Variants in GALNTL6 observed in about 807,000 individuals in gnomAD.
GALNTL6 encodes polypeptide N-acetylgalactosaminyltransferase like 6, also known as polypeptide N-acetylgalactosaminyltransferase-like 6.
Under a neutral mutation model 73.7 loss-of-function variants are expected in GALNTL6, and 46 were observed. The ratio of observed to expected loss-of-function variants is 0.62; its 90% confidence interval spans 0.49 to 0.80. The LOEUF (loss-of-function observed/expected upper bound fraction) is 0.80. GALNTL6 is among the 30% of genes least tolerant of loss of function. GALNTL6 has a pLI of 0.00. For synonymous variants in GALNTL6, 259 were observed against 263.7 expected, an observed-to-expected ratio of 0.98 and a Z score of 0.17; for missense variants, 604 against 755.0, an observed-to-expected ratio of 0.80 and a Z score of 2.34.
chr4:172,409,716 T>C (rs188054092), intron 5 of GALNTL6, among the ~76,000 whole-genome samples: 38 of 152,146 alleles, frequency 2.5e-4, no homozygotes, highest in African/African-American at 8.9e-4. Flanking sequence ...TGTTGGTATT[T>C]AATAGCTAAA....
chr4:171,859,366 C>G (rs1179334645), intron 2 of GALNTL6, among the ~76,000 whole-genome samples: 1 of 151,844 alleles, frequency 6.6e-6, no homozygotes, highest in South Asian at 2.1e-4. Context: ...TTTTAGGCTC[C>G]CAGAATTCCT....
At chr4:172,869,770 A>T (rs1464471646) in intron 7 of GALNTL6, among the ~76,000 whole-genome samples, 1 of 151,978 alleles carries the variant, frequency 6.6e-6, no homozygotes, top group Non-Finnish European at 1.5e-5. Flanking sequence ...TCCCTCCTCC[A>T]CCTCATTCTC....
chr4:172,602,082 A>C (rs1738072531), intron 5 of GALNTL6, among the ~76,000 whole-genome samples: 1 of 152,130 alleles, frequency 6.6e-6, no homozygotes, highest in Non-Finnish European at 1.5e-5. Context: ...AAAAGAGAAA[A>C]TATTCATAAC....
chr4:171,895,322 AG>A (rs1736876513), intron 2 of GALNTL6, among the ~76,000 whole-genome samples: 2 of 152,164 alleles, frequency 1.3e-5, no homozygotes, highest in African/African-American at 4.8e-5. Flanking sequence ...GCGTGAAAAA[AG>A]CTCCAATTCT....
chr4:172,478,636 C>T (rs1733327172), intron 5 of GALNTL6, among the ~76,000 whole-genome samples: 1 of 151,908 alleles, frequency 6.6e-6, no homozygotes, highest in Non-Finnish European at 1.5e-5. Context: ...AAAGAAAATG[C>T]AACAAAAACA....
At chr4:172,151,359 T>A (rs1291498435) in intron 2 of GALNTL6, among the ~76,000 whole-genome samples, 3 of 152,196 alleles carry the variant, frequency 2.0e-5, no homozygotes. Context: ...ATGGCAGGAA[T>A]AGAGGAATAC....
intron 8 of GALNTL6, among the ~76,000 whole-genome samples, chr4:172,893,069 T>C (rs1189192917): frequency 1.3e-5 from 2 of 152,146 alleles, no homozygotes; most frequent in East Asian, 1.9e-4. Context: ...CAGATGGCTG[T>C]GGGGCCAAGC....
chr4:172,328,980 TGG>T (rs930440663), intron 4 of GALNTL6, among the ~76,000 whole-genome samples: 1 of 152,206 alleles, frequency 6.6e-6, no homozygotes, highest in African/African-American at 2.4e-5. Flanking sequence ...TTCTCATCTC[TGG>T]GTGGGTGTTC....
chr4:172,023,942 T>C (rs1380172290), intron 2 of GALNTL6, among the ~76,000 whole-genome samples: 1 of 151,846 alleles, frequency 6.6e-6, no homozygotes, highest in Non-Finnish European at 1.5e-5. Context: ...TCCAAAGCAT[T>C]TTTTGTTCTA....
At position 172,346,138 on chromosome 4, in the gene GALNTL6, G is replaced by A. The variant is rs75360860; in HGVS notation, c.387-2385G>A. Among the ~76,000 whole-genome samples, 209 of 152,292 alleles carry A rather than the reference G, an allele frequency of 1.4e-3. 3 individuals are homozygous for A. In the East Asian group the frequency reaches 0.034, roughly 25 times the overall value. On this transcript the variant is annotated intron_variant, in intron 4 of 12. Transcript: ENST00000506823. Reference sequence around the variant, plus strand: ...ATTGATGTGCCAGCATCATCTGCTAGAGCTTATCTCTCATGAGCCTGTTCC... The same window carrying A: ...ATTGATGTGCCAGCATCATCTGCTAAAGCTTATCTCTCATGAGCCTGTTCC...
At chr4:172,138,489 ATATATATATATATATATATATATATTTTT>A (rs1733700584) in intron 2 of GALNTL6, among the ~76,000 whole-genome samples, 3 of 3,778 alleles carry the variant, frequency 7.9e-4, no homozygotes, top group Non-Finnish European at 2.5e-3. Flanking sequence ...ATATATATAT[ATATATATATATATATATATATATATTTTT>A]TTTTTTTTTT....
chr4:171,866,830 G>T (rs1560819511), intron 2 of GALNTL6, among the ~76,000 whole-genome samples: 1 of 152,060 alleles, frequency 6.6e-6, no homozygotes. Context: ...ATTTAGGAGG[G>T]CCATTCTTAT....
At chr4:172,116,320 C>T (rs921012923) in intron 2 of GALNTL6, among the ~76,000 whole-genome samples, 1 of 152,116 alleles carries the variant, frequency 6.6e-6, no homozygotes, top group Non-Finnish European at 1.5e-5. Context: ...TATCAAAGAA[C>T]ATATTGCTCT....
chr4:171,916,496 A>G (rs537705606), intron 2 of GALNTL6, among the ~76,000 whole-genome samples: 2 of 152,270 alleles, frequency 1.3e-5, no homozygotes, highest in African/African-American at 4.8e-5. Flanking sequence ...GAATGATGAA[A>G]GTATCAAAAA....
chr4:171,911,432 G>A (rs371792319), intron 2 of GALNTL6, among the ~76,000 whole-genome samples: 25 of 152,320 alleles, frequency 1.6e-4, no homozygotes, highest in South Asian at 1.0e-3. Context: ...GATTACAGGC[G>A]TGAGCCACTG....
At chr4:172,306,718 A>AT (rs1427789325) in intron 3 of GALNTL6, among the ~76,000 whole-genome samples, 1 of 152,090 alleles carries the variant, frequency 6.6e-6, no homozygotes, top group Admixed American at 6.5e-5. Context: ...ACGATGTTTG[A>AT]TTTTCCATTC....
At chr4:172,854,261 C>T (rs1744003498) in intron 7 of GALNTL6, among the ~76,000 whole-genome samples, 1 of 152,326 alleles carries the variant, frequency 6.6e-6, no homozygotes, top group Admixed American at 6.5e-5. Context: ...TCAATCTCCA[C>T]ACTCGGTGGG....
At chr4:172,456,186 C>A (rs1298324202) in intron 5 of GALNTL6, among the ~76,000 whole-genome samples, 1 of 152,038 alleles carries the variant, frequency 6.6e-6, no homozygotes, top group Non-Finnish European at 1.5e-5. Context: ...CACAAAAAAA[C>A]CATCCAAAGG....
chr4:172,123,555 G>A (rs1733211038), intron 2 of GALNTL6, among the ~76,000 whole-genome samples: 1 of 141,320 alleles, frequency 7.1e-6, no homozygotes, highest in Non-Finnish European at 1.5e-5. Context: ...AGGCTGGAGT[G>A]CAGTGGCACA....
Sources: allele counts gnomAD v4.1 joint callset (sites outside exome capture counted in the v4.1 genomes callset), GRCh38; gene constraint gnomAD v4.1.1; transcripts MANE v1.5; gene names NCBI Gene and HGNC (gene_info 2026-07-23, HGNC 2026-07-21).